SLC36A1: variants seen among roughly 807,000 people sequenced by gnomAD.
SLC36A1 encodes the protein proton-coupled amino acid transporter 1.
SLC36A1 carries 30 observed loss-of-function variants against 47.5 expected under a neutral mutation model. The observed-to-expected ratio is 0.63, with a 90% confidence interval of 0.47 to 0.86. The LOEUF (loss-of-function observed/expected upper bound fraction) is 0.86, where lower values mean the gene tolerates loss of function less well. SLC36A1 is among the 40% of genes least tolerant of loss of function. The pLI is 0.00. For synonymous variants in SLC36A1, 255 were observed against 249.7 expected (o/e 1.02, Z -0.20); for missense variants, 517 against 606.0 (o/e 0.85, Z 1.54).
chr5:151,512,225 C>T, the SLC36A1 span: 52 of 1,614,084 alleles, frequency 3.2e-5, 1 homozygote, highest in East Asian at 6.2e-4. The surrounding 1 kb of genome is among the most constrained non-coding windows in gnomAD (Gnocchi z 4.1). Context: ...CTGCAGTAGT[C>T]ACTGTGGAGG....
At chr5:151,468,855 A>G (rs2127501107) in intron 7 of SLC36A1, among the ~76,000 whole-genome samples, 1 of 152,200 alleles carries the variant, frequency 6.6e-6, no homozygotes, top group South Asian at 2.1e-4. Context: ...TTCCTTATCA[A>G]CTCCAGTTAA....
At chr5:151,487,401 A>C (rs1759710596) in intron 10 of SLC36A1, among the ~76,000 whole-genome samples, 1 of 151,044 alleles carries the variant, frequency 6.6e-6, no homozygotes, top group Non-Finnish European at 1.5e-5. Context: ...CCTGTCACAG[A>C]GATACGGTCG....
the SLC36A1 span, among the ~76,000 whole-genome samples, chr5:151,372,347 A>T: frequency 6.6e-6 from 1 of 152,230 alleles, no homozygotes; most frequent in Non-Finnish European, 1.5e-5. Context: ...ATGTGTGAAC[A>T]AATGGAAAAT....
the SLC36A1 span, among the ~76,000 whole-genome samples, chr5:151,379,669 C>A: frequency 6.6e-6 from 1 of 152,160 alleles, no homozygotes. Context: ...ACCTGCTTGC[C>A]CTCTCTGGGG....
chr5:151,459,397 G>T (rs750674758), intron 2 of SLC36A1, among the ~76,000 whole-genome samples: 1 of 152,222 alleles, frequency 6.6e-6, no homozygotes, highest in Non-Finnish European at 1.5e-5. Flanking sequence ...GGTAGGAAAG[G>T]AAAGATAGAC....
At chr5:151,382,358 G>A in the SLC36A1 span, 5 of 773,170 alleles carry the variant, frequency 6.5e-6, no homozygotes, top group Middle Eastern at 1.2e-3. Context: ...CCATGCGCCA[G>A]CTCAAAAATA....
chr5:151,485,174 A>C (rs1311757458), intron 10 of SLC36A1, among the ~76,000 whole-genome samples: 1 of 152,208 alleles, frequency 6.6e-6, no homozygotes, highest in African/African-American at 2.4e-5. Flanking sequence ...GGCTGAAAAC[A>C]TAGTAGTTTT....
chr5:151,514,373 G>GTT, the SLC36A1 span, among the ~76,000 whole-genome samples: 1 of 152,098 alleles, frequency 6.6e-6, no homozygotes, highest in Non-Finnish European at 1.5e-5. Context: ...TCCTTATCCA[G>GTT]TTTAAGTTCC....
chr5:151,525,150 C>G, the SLC36A1 span, among the ~76,000 whole-genome samples: 7 of 152,112 alleles, frequency 4.6e-5, no homozygotes. Flanking sequence ...TACATCATTC[C>G]CAGCCCATAA....
chr5:151,473,985 C>A (rs1490669430), intron 8 of SLC36A1, among the ~76,000 whole-genome samples: 1 of 151,494 alleles, frequency 6.6e-6, no homozygotes, highest in East Asian at 1.9e-4. Context: ...CATGGTGAAA[C>A]CCCATCTCTA....
At chr5:151,539,992 G>T in the SLC36A1 span, among the ~76,000 whole-genome samples, 2 of 152,280 alleles carry the variant, frequency 1.3e-5, no homozygotes, top group South Asian at 2.1e-4. Context: ...TGGGCATGGG[G>T]TGAGGGGTTT....
the SLC36A1 span, chr5:151,538,067 G>A: frequency 1.5e-5 from 11 of 732,172 alleles, no homozygotes; most frequent in Admixed American, 5.7e-5. Context: ...GGGCAGAGAC[G>A]AAGAGAGACA....
chr5:151,380,693 C>T, the SLC36A1 span: 1 of 551,022 alleles, frequency 1.8e-6, no homozygotes, highest in East Asian at 5.0e-5. Flanking sequence ...CAACTGAAAA[C>T]TCAGATCGGA....
At chr5:151,546,008 A>C in the SLC36A1 span, 1 of 1,614,196 alleles carries the variant, frequency 6.2e-7, no homozygotes, top group Non-Finnish European at 8.5e-7. Context: ...CCAGAATATG[A>C]GTTCATAGAG....
the SLC36A1 span, among the ~76,000 whole-genome samples, chr5:151,516,371 G>A: frequency 6.6e-6 from 1 of 152,086 alleles, no homozygotes; most frequent in Non-Finnish European, 1.5e-5. Context: ...AAAAAAATTA[G>A]TGAGCGTGGT....
chr5:151,540,550 C>A, the SLC36A1 span: 28 of 1,599,910 alleles, frequency 1.8e-5, no homozygotes, highest in Admixed American at 3.5e-4. Flanking sequence ...CCACTCCACC[C>A]CTCGCCAGGC....
upstream of SLC36A1, among the ~76,000 whole-genome samples, chr5:151,433,246 A>T (rs1186870890): frequency 9.4e-5 from 1 of 10,674 alleles, no homozygotes; most frequent in East Asian, 2.1e-3. Flanking sequence ...ATATATATAT[A>T]TATATATATA....
the SLC36A1 span, chr5:151,527,935 T>C: frequency 1.3e-6 from 2 of 1,577,890 alleles, no homozygotes; most frequent in Non-Finnish European, 1.7e-6. Context: ...CTTCTGGACC[T>C]GCAGTGGGAC....
At chr5:151,355,983 C>G in the SLC36A1 span, among the ~76,000 whole-genome samples, 25 of 152,074 alleles carry the variant, frequency 1.6e-4, no homozygotes, top group Admixed American at 6.5e-4. Context: ...ATTTTAATTC[C>G]AATGTTTTTG....
Sources: gnomAD v4.1 joint callset for allele counts (sites outside exome capture counted in the v4.1 genomes callset) on GRCh38, gnomAD v4.1.1 for gene constraint, Gnocchi (gnomAD v3.1) non-coding constraint, MANE v1.5 for transcripts, NCBI Gene and HGNC (gene_info 2026-07-23, HGNC 2026-07-21) for gene names.